CHLSN: variants seen among roughly 807,000 people sequenced by gnomAD.
CHLSN encodes the protein protein cholesin.
At chr7:1,078,261 G>A in the CHLSN span, among the ~76,000 whole-genome samples, 11 of 152,102 alleles carry the variant, frequency 7.2e-5, no homozygotes, top group Non-Finnish European at 1.3e-4. Context: ...AGAGCACAGC[G>A]GGTGCCCTAT....
the CHLSN span, among the ~76,000 whole-genome samples, chr7:1,060,473 C>T: frequency 6.6e-6 from 1 of 152,166 alleles, no homozygotes; most frequent in Non-Finnish European, 1.5e-5. Context: ...TGAGTATGCC[C>T]GGCCCCAGGG....
At chr7:1,134,694 C>G in the CHLSN span, among the ~76,000 whole-genome samples, 1 of 151,794 alleles carries the variant, frequency 6.6e-6, no homozygotes, top group Non-Finnish European at 1.5e-5. Flanking sequence ...TGGTGAAACC[C>G]CGTCTCTACT....
At chr7:1,039,529 C>A in the CHLSN span, among the ~76,000 whole-genome samples, 1 of 58,876 alleles carries the variant, frequency 1.7e-5, no homozygotes, top group Admixed American at 1.4e-4. Flanking sequence ...GCCAGCCGCC[C>A]CGTCCGGGAG....
At chr7:988,369 C>T in the CHLSN span, 44 of 1,612,670 alleles carry the variant, frequency 2.7e-5, no homozygotes, top group Admixed American at 6.7e-5. Context: ...ATTTCCTGGA[C>T]GCGAATGGGC....
chr7:1,069,186 C>T, the CHLSN span, among the ~76,000 whole-genome samples: 1 of 152,192 alleles, frequency 6.6e-6, no homozygotes, highest in Non-Finnish European at 1.5e-5. Flanking sequence ...ACAAAATTAG[C>T]TGGGCGTGGT....
the CHLSN span, among the ~76,000 whole-genome samples, chr7:1,015,023 G>A: frequency 2.6e-5 from 4 of 152,216 alleles, no homozygotes; most frequent in Non-Finnish European, 5.9e-5. Flanking sequence ...TGTGGGGGCC[G>A]CGTTGCCGGG....
At chr7:1,009,979 C>T in the CHLSN span, 5 of 1,578,382 alleles carry the variant, frequency 3.2e-6, no homozygotes, top group Middle Eastern at 1.7e-4. Flanking sequence ...CCAGTTCGGC[C>T]CCCGAGCGCC....
the CHLSN span, chr7:1,021,662 G>C: frequency 1.3e-6 from 1 of 799,958 alleles, no homozygotes; most frequent in East Asian, 1.3e-4. Context: ...AGTGCCCTCT[G>C]GGAACCCCGG....
At chr7:1,125,982 ATTT>A in the CHLSN span, among the ~76,000 whole-genome samples, 2 of 152,232 alleles carry the variant, frequency 1.3e-5, no homozygotes, top group Non-Finnish European at 2.9e-5. Flanking sequence ...GGGTCAAAAA[ATTT>A]TTTATATTTT....
the CHLSN span, among the ~76,000 whole-genome samples, chr7:1,041,491 C>T: frequency 2.6e-5 from 4 of 152,150 alleles, no homozygotes; most frequent in Non-Finnish European, 4.4e-5. Context: ...ATGTTACTGC[C>T]GTTTATGGGG....
chr7:1,028,753 T>C, the CHLSN span: 1 of 535,260 alleles, frequency 1.9e-6, no homozygotes, highest in Non-Finnish European at 2.3e-6. Flanking sequence ...TCTCCCCCAG[T>C]CTGTCCCCAT....
the CHLSN span, among the ~76,000 whole-genome samples, chr7:1,133,660 A>G: frequency 2.8e-4 from 42 of 150,058 alleles, no homozygotes; most frequent in African/African-American, 9.8e-4. Flanking sequence ...AGGCTGAGGC[A>G]GGAGAATGGC....
chr7:1,010,272 T>G, the CHLSN span: 1 of 817,706 alleles, frequency 1.2e-6, no homozygotes, highest in East Asian at 2.8e-5. Context: ...GCACTGGGTC[T>G]GGCCCCAGCC....
the CHLSN span, among the ~76,000 whole-genome samples, chr7:1,034,312 G>A: frequency 1.3e-5 from 2 of 151,568 alleles, no homozygotes; most frequent in East Asian, 3.9e-4. Context: ...TTAATGGACA[G>A]AACAGACAGC....
At chr7:1,040,973 T>A in the CHLSN span, among the ~76,000 whole-genome samples, 3 of 152,306 alleles carry the variant, frequency 2.0e-5, no homozygotes, top group Middle Eastern at 6.8e-3. Flanking sequence ...TGACAGTGCC[T>A]CCCGGGGTCA....
chr7:1,132,384 C>T, the CHLSN span, among the ~76,000 whole-genome samples: 1 of 152,110 alleles, frequency 6.6e-6, no homozygotes, highest in Non-Finnish European at 1.5e-5. Context: ...CACATCTCTA[C>T]AAAAAACAAA....
chr7:1,042,127 G>A, the CHLSN span, among the ~76,000 whole-genome samples: 2 of 151,898 alleles, frequency 1.3e-5, no homozygotes, highest in Admixed American at 1.3e-4. Flanking sequence ...GCAGAATCAG[G>A]TGCACAACTA....
chr7:985,107 G>A, the CHLSN span: 2 of 1,610,842 alleles, frequency 1.2e-6, no homozygotes, highest in Non-Finnish European at 8.5e-7. Context: ...GAGGTGAGCA[G>A]GGGGCCGGGG....
the CHLSN span, among the ~76,000 whole-genome samples, chr7:1,123,987 C>G: frequency 1.2e-4 from 19 of 152,124 alleles, no homozygotes; most frequent in Admixed American, 9.2e-4. This position sits in a 1 kb window ranked among gnomAD's most constrained non-coding sequence, Gnocchi z 4.4. Flanking sequence ...GGGCCTGAGA[C>G]CAACTCCACG....
Sources: allele counts gnomAD v4.1 joint callset (sites outside exome capture counted in the v4.1 genomes callset), GRCh38; gene constraint gnomAD v4.1.1; non-coding constraint Gnocchi (gnomAD v3.1); transcripts MANE v1.5; gene names NCBI Gene and HGNC (gene_info 2026-07-23, HGNC 2026-07-21).